Variants in NCKAP5 observed in about 807,000 individuals in gnomAD.
The protein encoded by NCKAP5 is NCK associated protein 5, also known as nck-associated protein 5.
A neutral mutation model predicts 167.0 loss-of-function variants in NCKAP5; 92 were observed. The ratio of observed to expected loss-of-function variants is 0.55; its 90% CI spans 0.47 to 0.66. NCKAP5 has a LOEUF of 0.66. Among genes scored for constraint, NCKAP5 ranks in the 30% least tolerant of loss-of-function variants. The pLI is 0.00. For synonymous variants in NCKAP5, 891 were observed against 877.4 expected, an observed-to-expected ratio of 1.02 and a Z score of -0.27; for missense variants, 2,378 against 2,315.0, an observed-to-expected ratio of 1.03 and a Z score of -0.56.
chr2:133,346,792 G>A (rs1441912953), intron 3 of NCKAP5, among the ~76,000 whole-genome samples: 2 of 152,208 alleles, frequency 1.3e-5, no homozygotes, highest in East Asian at 1.9e-4. Flanking sequence ...CCAGTAGAGT[G>A]GGAATCACCC....
At chr2:132,944,689 T>C (rs1697563193) in intron 8 of NCKAP5, among the ~76,000 whole-genome samples, 1 of 152,214 alleles carries the variant, frequency 6.6e-6, no homozygotes, top group Non-Finnish European at 1.5e-5. Context: ...TGTAATACTT[T>C]AATATTCTCT....
At chr2:132,906,457 T>C (rs1481933830) in intron 8 of NCKAP5, among the ~76,000 whole-genome samples, 1 of 152,156 alleles carries the variant, frequency 6.6e-6, no homozygotes, top group Non-Finnish European at 1.5e-5. Context: ...ATATGGACCT[T>C]GCACCCCAAC....
intron 7 of NCKAP5, among the ~76,000 whole-genome samples, chr2:132,975,505 C>A (rs539578537): frequency 3.9e-5 from 6 of 152,066 alleles, no homozygotes; most frequent in Non-Finnish European, 8.8e-5. Context: ...ACACTTATTT[C>A]CCTAAAAAAA....
intron 10 of NCKAP5, among the ~76,000 whole-genome samples, chr2:132,862,779 C>G (rs199607907): frequency 5.7e-5 from 4 of 70,442 alleles, no homozygotes; most frequent in African/African-American, 2.7e-4. Context: ...AAAAAAAAAA[C>G]CAAAAAAAAA....
chr2:132,674,449 A>G (rs1684164706), intron 19 of NCKAP5, among the ~76,000 whole-genome samples: 1 of 152,106 alleles, frequency 6.6e-6, no homozygotes, highest in East Asian at 1.9e-4. Flanking sequence ...CCATTAAACC[A>G]TGTTCTTAGG....
At chr2:133,046,834 G>A (rs1176677700) in intron 6 of NCKAP5, among the ~76,000 whole-genome samples, 1 of 152,096 alleles carries the variant, frequency 6.6e-6, no homozygotes, top group Non-Finnish European at 1.5e-5. Context: ...TTAGCATAAG[G>A]GTTCTTCAGA....
chr2:133,607,048 A>T, the NCKAP5 span, among the ~76,000 whole-genome samples: 9 of 152,194 alleles, frequency 5.9e-5, no homozygotes, highest in Non-Finnish European at 1.0e-4. Flanking sequence ...TAATCCTTTT[A>T]AAAAAATCTC....
intron 3 of NCKAP5, among the ~76,000 whole-genome samples, chr2:133,370,159 G>A (rs1027548172): frequency 1.3e-5 from 2 of 152,166 alleles, no homozygotes; most frequent in African/African-American, 4.8e-5. Context: ...TTCATAACAA[G>A]AAAGAGCCAT....
chr2:132,885,200 G>GA lies in NCKAP5; in HGVS notation c.580-6285dup, dbSNP rs34847394. Among the ~76,000 whole-genome samples, 289 of 143,258 alleles carry GA rather than the reference G, an allele frequency of 2.0e-3. 3 individuals are homozygous for GA. Among genetic ancestry groups the GA allele is most frequent in the African/African-American group, 6.5e-3 (250 of 38,638 alleles). 94.0% of individuals were successfully genotyped at this position (143,258 alleles called of 152,430 possible). ...CCTGCTACCAACTTAAGGCAACAGA[G>GA]AAAAAAAAAACAGGAAAAAAAACCC... On this transcript the variant is annotated intron_variant, in intron 8 of 19. Coordinates refer to ENST00000409261, the MANE Select transcript of NCKAP5 (RefSeq NM_207363.3).
intron 11 of NCKAP5, among the ~76,000 whole-genome samples, chr2:132,805,101 AAATAAT>A (rs920883961): frequency 3.3e-5 from 5 of 152,094 alleles, no homozygotes; most frequent in African/African-American, 1.2e-4. Flanking sequence ...ATTGGGAAGG[AAATAAT>A]AATAATAACA....
chr2:132,784,606 A>G lies in NCKAP5; in HGVS notation c.2205T>C (p.Ser735=). The G allele has an allele frequency of 1.2e-6, 2 of 1,608,970 alleles. No homozygotes were observed. Among genetic ancestry groups the G allele is most frequent in the Non-Finnish European group, 8.5e-7 (1 of 1,177,396 alleles). The part of the protein sequence containing the change: ...AARDYTFFKR[S]EEDTEKNIPK... ...GAATGTTTTTCTCAGTGTCCTCTTC[A>G]GACCTTTTAAAGAAAGTATAGTCTC... The change falls in exon 14 of 20, where the codon TCT becomes TCC. Residue 735 remains serine (S), a synonymous_variant. Transcript: ENST00000409261.
rs557990862 is a variant in NCKAP5 at position 133,213,843 on chromosome 2, C to T, written c.144-64G>A. On this transcript the variant is annotated intron_variant, in intron 4 of 19. Transcript: ENST00000409261. ...AGGGTAGAGGTGACACTGGCATGGC[C>T]GTGAAACATTCTTTTGAGGTCTCTA... 29 of 1,513,942 alleles carry T rather than the reference C, an allele frequency of 1.9e-5. 1 individual carries two copies. The highest frequency in any genetic ancestry group is 2.3e-5 in the Non-Finnish European group (25 of 1,092,096). The allele number at this position is 1,513,942 out of a possible 1,614,324, so 93.8% of individuals were successfully genotyped here.
At chr2:133,004,306 T>G (rs2077886205) in intron 6 of NCKAP5, among the ~76,000 whole-genome samples, 1 of 152,224 alleles carries the variant, frequency 6.6e-6, no homozygotes, top group African/African-American at 2.4e-5. Flanking sequence ...TTTAAATTAA[T>G]GTAATAATTA....
the NCKAP5 span, among the ~76,000 whole-genome samples, chr2:133,580,866 C>T: frequency 8.6e-4 from 131 of 152,182 alleles, 2 homozygotes; most frequent in Middle Eastern, 0.01. Flanking sequence ...TACAAAGTTT[C>T]TCTCTCTCTC....
At chr2:133,434,689 TAA>T (rs990757444) in intron 3 of NCKAP5, among the ~76,000 whole-genome samples, 2 of 152,242 alleles carry the variant, frequency 1.3e-5, no homozygotes, top group Admixed American at 1.3e-4. Context: ...GAGTAGTTTA[TAA>T]AACTGTACTG....
chr2:133,276,690 A>G (rs528353328), intron 4 of NCKAP5, among the ~76,000 whole-genome samples: 79 of 152,286 alleles, frequency 5.2e-4, no homozygotes, highest in African/African-American at 1.8e-3. Flanking sequence ...AATTATTTTT[A>G]TAAAGCAAAT....
intron 19 of NCKAP5, among the ~76,000 whole-genome samples, chr2:132,675,479 G>A (rs1036608434): frequency 3.9e-5 from 6 of 152,116 alleles, no homozygotes; most frequent in Admixed American, 1.3e-4. Flanking sequence ...GACCAACAAC[G>A]TCAACAACAC....
At chr2:132,895,471 T>C (rs1356464687) in intron 8 of NCKAP5, among the ~76,000 whole-genome samples, 3 of 152,012 alleles carry the variant, frequency 2.0e-5, no homozygotes, top group Non-Finnish European at 2.9e-5. Context: ...GTTTTGTATA[T>C]ATGCAGCATG....
At chr2:133,486,432 C>A (rs1680914240) in intron 3 of NCKAP5, among the ~76,000 whole-genome samples, 2 of 152,264 alleles carry the variant, frequency 1.3e-5, no homozygotes, top group Admixed American at 1.3e-4. Flanking sequence ...ATCTCAAACC[C>A]CCATGCAGTG....
Sources: gnomAD v4.1 joint callset for allele counts (sites outside exome capture counted in the v4.1 genomes callset) on GRCh38, gnomAD v4.1.1 for gene constraint, MANE v1.5 for transcripts, NCBI Gene and HGNC (gene_info 2026-07-23, HGNC 2026-07-21) for gene names.